Variants in GAS2 observed in about 807,000 individuals in gnomAD.
The protein encoded by GAS2 is growth arrest specific 2.
A neutral mutation model predicts 37.5 loss-of-function variants in GAS2; 20 were observed. The ratio of observed to expected loss-of-function variants is 0.53; its 90% CI spans 0.37 to 0.77. GAS2 has a LOEUF of 0.77. GAS2 is among the 30% of genes least tolerant of loss of function. The pLI, the probability that GAS2 is intolerant of heterozygous loss-of-function variation, is 0.00. For missense variants in GAS2, 336 were observed against 373.4 expected (o/e 0.90, Z 0.82); for synonymous variants, 144 against 132.2 (o/e 1.09, Z -0.61).
At chr11:22,631,924 T>C (rs1565058556) in intron 1 of GAS2, among the ~76,000 whole-genome samples, 1 of 150,690 alleles carries the variant, frequency 6.6e-6, no homozygotes, top group African/African-American at 2.4e-5. Flanking sequence ...AAAATTTGGC[T>C]GTGAATCCAT....
intron 1 of GAS2, among the ~76,000 whole-genome samples, chr11:22,649,858 C>G (rs1291641923): frequency 1.3e-5 from 2 of 151,700 alleles, no homozygotes; most frequent in African/African-American, 4.8e-5. Context: ...TTGATCCTTT[C>G]AAAAAACCAG....
In GAS2 at chr11:22,726,396, G is replaced by A; in HGVS notation, c.372G>A (p.Gly124=). The part of the protein sequence containing the change: ...ANFLSWCRDL[G]VDETCLFESE... ...TCTTATCCTGGTGCCGAGATTTAGGGGTGGATGAAACGTGTCTATTTGAAT... is the reference window on the plus strand; with the variant it reads ...TCTTATCCTGGTGCCGAGATTTAGGAGTGGATGAAACGTGTCTATTTGAAT... Residue 124 remains glycine, a synonymous_variant, in exon 4 of 8, where the codon GGG becomes GGA. Coordinates refer to ENST00000454584, the MANE Select transcript of GAS2 (RefSeq NM_001143830.3). 1.2e-6 allele frequency: 2 copies of A among 1,612,786 alleles called. No homozygotes were observed. The highest frequency in any genetic ancestry group is 1.7e-4 in the Middle Eastern group (1 of 6,046).
chr11:22,807,925 G>A (rs1856972983), intron 7 of GAS2, among the ~76,000 whole-genome samples: 1 of 151,792 alleles, frequency 6.6e-6, no homozygotes, highest in Non-Finnish European at 1.5e-5. Flanking sequence ...GCTTGACACT[G>A]TCTGGGAGTC....
chr11:22,630,016 T>G (rs922852248), intron 1 of GAS2, among the ~76,000 whole-genome samples: 1 of 152,170 alleles, frequency 6.6e-6, no homozygotes, highest in African/African-American at 2.4e-5. Flanking sequence ...CCAGTTTCAT[T>G]CTTCTACATA....
intron 5 of GAS2, among the ~76,000 whole-genome samples, chr11:22,747,598 C>A (rs920530823): frequency 2.0e-5 from 3 of 152,052 alleles, no homozygotes; most frequent in Non-Finnish European, 2.9e-5. Flanking sequence ...AAAAGACTTG[C>A]ATGTCACCTT....
chr11:22,743,618 C>T (rs545902932), intron 5 of GAS2, among the ~76,000 whole-genome samples: 2 of 152,198 alleles, frequency 1.3e-5, no homozygotes, highest in East Asian at 3.9e-4. Flanking sequence ...TTGCCTCCCT[C>T]CCTCCACTGC....
intron 7 of GAS2, among the ~76,000 whole-genome samples, chr11:22,787,110 G>T (rs956007863): frequency 6.6e-6 from 1 of 152,008 alleles, no homozygotes; most frequent in African/African-American, 2.4e-5. Flanking sequence ...ACATTTTTGA[G>T]CATTTGTCTA....
chr11:22,634,349 AT>A (rs1858790664), intron 1 of GAS2, among the ~76,000 whole-genome samples: 2 of 152,240 alleles, frequency 1.3e-5, no homozygotes, highest in South Asian at 4.1e-4. Flanking sequence ...TCAAGATAAG[AT>A]TTGGGTGGGG....
chr11:22,626,018 C>A, intron 1 of GAS2: 1 of 647,414 alleles, frequency 1.5e-6, no homozygotes. Context: ...AGAGGTTCTT[C>A]TTAGTGGAGG....
chr11:22,810,094 CA>C (rs1237608047), intron 7 of GAS2, among the ~76,000 whole-genome samples: 1 of 152,108 alleles, frequency 6.6e-6, no homozygotes, highest in Non-Finnish European at 1.5e-5. Context: ...TGAGTATTTC[CA>C]GGGGAAAAAG....
chr11:22,668,169 G>A (rs2133858955), intron 1 of GAS2: 1 of 152,358 alleles, frequency 6.6e-6, no homozygotes, highest in South Asian at 2.1e-4. Context: ...ACTCTTAGCA[G>A]TGTGGACACT....
intron 7 of GAS2, among the ~76,000 whole-genome samples, chr11:22,766,160 A>G (rs1474457488): frequency 6.6e-6 from 1 of 152,148 alleles, no homozygotes; most frequent in Non-Finnish European, 1.5e-5. Context: ...GTAGGAGACA[A>G]ATATCTAAAC....
chr11:22,705,736 T>C (rs776176653), intron 3 of GAS2, among the ~76,000 whole-genome samples: 1 of 152,212 alleles, frequency 6.6e-6, no homozygotes, highest in Non-Finnish European at 1.5e-5. Context: ...ACATGCTTCA[T>C]GCCTTTGTGG....
rs188784801 is a variant in GAS2 at position 22,764,910 on chromosome 11, C to A, written c.723+8957C>A. ...TCTCCAACTCAGTTAGCAAGGTTTA[C>A]CATGGCTTTAAATTGTGCAATACAC... On this transcript the variant is annotated intron_variant, in intron 7 of 7. Transcript: ENST00000454584. Among the ~76,000 whole-genome samples, 843 of 152,306 alleles carry A rather than the reference C, an allele frequency of 5.5e-3. 6 individuals are homozygous for A. The highest frequency in any genetic ancestry group is 0.019 in the African/African-American group (800 of 41,554).
intron 1 of GAS2, among the ~76,000 whole-genome samples, chr11:22,668,691 G>C (rs138214493): frequency 8.3e-4 from 127 of 152,286 alleles, no homozygotes; most frequent in African/African-American, 2.8e-3. Context: ...AGTATGTTGT[G>C]TGTTACTTAG....
chr11:22,727,100 A>G (rs956630919), intron 4 of GAS2, among the ~76,000 whole-genome samples: 2 of 152,084 alleles, frequency 1.3e-5, no homozygotes, highest in African/African-American at 4.8e-5. Context: ...TTTGGAAGAA[A>G]ACATACATTG....
chr11:22,626,554 T>A (rs1858657030), intron 1 of GAS2: 1 of 152,682 alleles, frequency 6.5e-6, no homozygotes, highest in Non-Finnish European at 1.5e-5. Context: ...TTTGATTAAA[T>A]AAAAACCGTG....
At chr11:22,648,063 C>T (rs1028667228) in intron 1 of GAS2, among the ~76,000 whole-genome samples, 14 of 152,248 alleles carry the variant, frequency 9.2e-5, no homozygotes, top group Admixed American at 2.6e-4. Flanking sequence ...TTAGGTCTAA[C>T]GTTTAAGTCT....
intron 2 of GAS2, among the ~76,000 whole-genome samples, chr11:22,682,676 G>A (rs1282018186): frequency 2.0e-5 from 3 of 151,692 alleles, no homozygotes; most frequent in Non-Finnish European, 4.4e-5. Flanking sequence ...TCAACAGATC[G>A]AGACCATCCA....
Sources: allele counts gnomAD v4.1 joint callset (sites outside exome capture counted in the v4.1 genomes callset), GRCh38; gene constraint gnomAD v4.1.1; transcripts MANE v1.5; gene names NCBI Gene and HGNC (gene_info 2026-07-23, HGNC 2026-07-21).